TF: variants seen among roughly 807,000 people sequenced by gnomAD.
TF encodes the protein transferrin.
In TF, 55 loss-of-function variants were observed where a neutral mutation model predicts 82.4. That is an observed-to-expected ratio of 0.67 (90% confidence interval 0.54 to 0.84). The LOEUF (loss-of-function observed/expected upper bound fraction) is 0.84. Ranked by LOEUF, TF falls within the 40% of genes least tolerant of loss-of-function variation. TF has a pLI of 0.00. For missense variants in TF, 737 were observed against 868.4 expected, an observed-to-expected ratio of 0.85 and a Z score of 1.90; for synonymous variants, 332 against 332.6, an observed-to-expected ratio of 1.00 and a Z score of 0.02.
chr3:133,683,069 A>T, the TF span, among the ~76,000 whole-genome samples: 10 of 152,194 alleles, frequency 6.6e-5, no homozygotes, highest in Non-Finnish European at 1.2e-4. Context: ...AAAGAAAAGA[A>T]TTTTCAACCC....
At chr3:133,731,653 A>G in the TF span, among the ~76,000 whole-genome samples, 2 of 152,220 alleles carry the variant, frequency 1.3e-5, no homozygotes, top group Admixed American at 1.3e-4. Context: ...ATCACCATCT[A>G]TTGGTGTCAT....
At chr3:133,680,283 G>A in the TF span, among the ~76,000 whole-genome samples, 1 of 151,612 alleles carries the variant, frequency 6.6e-6, no homozygotes, top group East Asian at 1.9e-4. Flanking sequence ...ATGGCTCACT[G>A]CAGTCTCGAC....
chr3:133,795,736 C>T lies in TF; in HGVS notation c.*17116C>T, dbSNP rs571031161. The T allele has an allele frequency of 1.2e-3, 188 of 152,042 alleles. No homozygotes were observed. Among genetic ancestry groups the T allele is most frequent in the South Asian group, 2.9e-3 (14 of 4,766 alleles). 9.4% of individuals were successfully genotyped at this position (152,042 alleles called of 1,614,324 possible). ...GACTACAGGCACCTGCCACCACGCC[C>T]GGCTAATTTTTTTGTATTTTTAGTG... is the stretch of plus-strand genomic sequence containing the variant. On this transcript the variant is annotated 3_prime_UTR_variant, in exon 17 of 17. Coordinates refer to ENST00000402696, the MANE Select transcript of TF (RefSeq NM_001063.4).
At chr3:133,729,540 G>A in the TF span, among the ~76,000 whole-genome samples, 1 of 152,216 alleles carries the variant, frequency 6.6e-6, no homozygotes, top group Non-Finnish European at 1.5e-5. Flanking sequence ...GAAGTGACCC[G>A]ATTTTCCAGG....
At chr3:133,720,024 A>G in the TF span, among the ~76,000 whole-genome samples, 6 of 152,142 alleles carry the variant, frequency 3.9e-5, no homozygotes, top group Admixed American at 2.6e-4. Flanking sequence ...TTGTCTTTAT[A>G]TAGGATTATG....
At chr3:133,735,662 A>G in the TF span, among the ~76,000 whole-genome samples, 4 of 152,244 alleles carry the variant, frequency 2.6e-5, no homozygotes, top group Non-Finnish European at 5.9e-5. Flanking sequence ...AGCATACACA[A>G]ATACCAATTG....
chr3:133,736,637 A>AG, the TF span, among the ~76,000 whole-genome samples: 37 of 145,484 alleles, frequency 2.5e-4, 1 homozygote, highest in East Asian at 3.1e-3. Context: ...AAGCCAAAAA[A>AG]AAAAAAAAAA....
At chr3:133,749,516 G>T (rs914653507) in intron 2 of TF, among the ~76,000 whole-genome samples, 1 of 152,168 alleles carries the variant, frequency 6.6e-6, no homozygotes, top group Non-Finnish European at 1.5e-5. Flanking sequence ...GTACAATGGA[G>T]GGAAAAAGGA....
chr3:133,726,339 G>A, the TF span, among the ~76,000 whole-genome samples: 23 of 152,296 alleles, frequency 1.5e-4, no homozygotes, highest in African/African-American at 5.3e-4. Flanking sequence ...TTCAGAGCCT[G>A]TTATTGGTCT....
At chr3:133,712,241 C>T in the TF span, among the ~76,000 whole-genome samples, 1 of 152,194 alleles carries the variant, frequency 6.6e-6, no homozygotes. Context: ...CAGCACAGGG[C>T]TTGGCAGCTG....
intron 11 of TF, among the ~76,000 whole-genome samples, chr3:133,765,456 C>T (rs1934103992): frequency 6.6e-6 from 1 of 152,202 alleles, no homozygotes; most frequent in South Asian, 2.1e-4. Context: ...TCTGAAGAAA[C>T]AGAGCAGGAG....
intron 6 of TF, 82 bp from the exon 7 acceptor site, chr3:133,756,749 C>G (rs1933845718): frequency 1.2e-5 from 18 of 1,554,210 alleles, no homozygotes; most frequent in Non-Finnish European, 1.4e-5. Context: ...CTCATACTTT[C>G]TATGATCAAT....
At chr3:133,730,444 C>G in the TF span, among the ~76,000 whole-genome samples, 3 of 152,354 alleles carry the variant, frequency 2.0e-5, no homozygotes, top group African/African-American at 7.2e-5. Context: ...CCAGAGACTG[C>G]TGGCTATGGT....
chr3:133,773,717 C>T (rs1934315237), intron 14 of TF: 1 of 152,100 alleles, frequency 6.6e-6, no homozygotes, highest in African/African-American at 2.4e-5. Flanking sequence ...CCCTCCTAGC[C>T]AGACTGAATC....
At chr3:133,678,524 T>C in the TF span, among the ~76,000 whole-genome samples, 4 of 152,214 alleles carry the variant, frequency 2.6e-5, no homozygotes, top group Non-Finnish European at 5.9e-5. Context: ...CAGCATCTGT[T>C]GTTTCCTGAC....
chr3:133,719,809 T>C, the TF span, among the ~76,000 whole-genome samples: 1 of 152,178 alleles, frequency 6.6e-6, no homozygotes, highest in Non-Finnish European at 1.5e-5. Flanking sequence ...TAGTTTTTAG[T>C]GTAGAGATCC....
chr3:133,666,028 ATATT>A, the TF span, among the ~76,000 whole-genome samples: 3 of 152,198 alleles, frequency 2.0e-5, no homozygotes, highest in South Asian at 4.2e-4. Context: ...GGGAATATGA[ATATT>A]TATTATTATA....
intron 11 of TF, 28 bp from the exon 12 acceptor site, chr3:133,766,250 A>G: frequency 6.2e-7 from 1 of 1,613,306 alleles, no homozygotes; most frequent in Non-Finnish European, 8.5e-7. Flanking sequence ...AGGTGTTAAT[A>G]CATCCTTTTC....
At position 133,784,186 on chromosome 3, in the gene TF, C is replaced by T. The variant is rs535435409; in HGVS notation, c.*5566C>T. The T allele has an allele frequency of 6.6e-6, 1 of 152,394 alleles. No individual in the cohort carries two copies. Among genetic ancestry groups the T allele is most frequent in the Non-Finnish European group, 1.5e-5 (1 of 68,108 alleles). The allele number at this position is 152,394 out of a possible 1,614,324, so 9.4% of individuals were successfully genotyped here. ...AATGAGGGGTGGTAGGGTTAGCGGC[C>T]ATCGCCCAGCTCGTCTTCCTTCTAC... On this transcript the variant is annotated 3_prime_UTR_variant, in exon 17 of 17. Coordinates refer to ENST00000402696, the MANE Select transcript of TF (RefSeq NM_001063.4).
Sources: gnomAD v4.1 joint callset for allele counts (sites outside exome capture counted in the v4.1 genomes callset) on GRCh38, gnomAD v4.1.1 for gene constraint, MANE v1.5 for transcripts, NCBI Gene and HGNC (gene_info 2026-07-23, HGNC 2026-07-21) for gene names.